Variants in PLOD2 observed in about 807,000 individuals in gnomAD.
PLOD2 encodes procollagen-lysine,2-oxoglutarate 5-dioxygenase 2, also known as lysine hydroxylase 2.
PLOD2 carries 65 observed loss-of-function variants against 101.0 expected under a neutral mutation model. The ratio of observed to expected loss-of-function variants is 0.64; its 90% CI spans 0.53 to 0.79. PLOD2 has a LOEUF of 0.79. Ranked by LOEUF, PLOD2 falls within the 30% of genes least tolerant of loss-of-function variation. The pLI is 0.00. For synonymous variants in PLOD2, 314 were observed against 302.9 expected, an observed-to-expected ratio of 1.04 and a Z score of -0.38; for missense variants, 909 against 914.6, an observed-to-expected ratio of 0.99 and a Z score of 0.08.
chr3:146,105,081 C>T (rs1322102445), intron 5 of PLOD2: 1 of 152,192 alleles, frequency 6.6e-6, no homozygotes, highest in Non-Finnish European at 1.5e-5. Flanking sequence ...AATGGTGGAG[C>T]AACAAAAGAG....
intron 9 of PLOD2, among the ~76,000 whole-genome samples, chr3:146,087,876 C>A (rs1447091054): frequency 6.6e-6 from 1 of 151,710 alleles, no homozygotes; most frequent in African/African-American, 2.4e-5. Context: ...TTAAAATATT[C>A]TCTGGACAAT....
chr3:146,146,999 C>T (rs555502746), intron 1 of PLOD2, among the ~76,000 whole-genome samples: 2 of 152,244 alleles, frequency 1.3e-5, no homozygotes, highest in Admixed American at 1.3e-4. Flanking sequence ...GGCCTATAGG[C>T]AGAGAAGCTT....
At chr3:146,126,535 G>A (rs1231314086) in intron 1 of PLOD2, among the ~76,000 whole-genome samples, 2 of 152,036 alleles carry the variant, frequency 1.3e-5, no homozygotes, top group Admixed American at 1.3e-4. Context: ...ACAAAGATAT[G>A]GTGACAGGAA....
chr3:146,101,266 A>T (rs1375310206), intron 7 of PLOD2, among the ~76,000 whole-genome samples: 1 of 152,232 alleles, frequency 6.6e-6, no homozygotes, highest in African/African-American at 2.4e-5. Context: ...AACAATGTAT[A>T]TGGAAAAGAA....
intron 1 of PLOD2, among the ~76,000 whole-genome samples, chr3:146,145,619 T>G (rs1312274877): frequency 6.6e-6 from 1 of 152,122 alleles, no homozygotes; most frequent in African/African-American, 2.4e-5. Flanking sequence ...AACCAAACTT[T>G]CAAATAAAAA....
At chr3:146,083,229 G>A (rs1264963185) in intron 11 of PLOD2, among the ~76,000 whole-genome samples, 3 of 152,144 alleles carry the variant, frequency 2.0e-5, no homozygotes, top group African/African-American at 7.2e-5. Context: ...GATGGCAGCT[G>A]AGGAATGATT....
chr3:146,136,615 T>C (rs2031246179), intron 1 of PLOD2, among the ~76,000 whole-genome samples: 1 of 152,158 alleles, frequency 6.6e-6, no homozygotes, highest in African/African-American at 2.4e-5. Context: ...ACTGGTCCCA[T>C]AATATTACAA....
At chr3:146,120,827 A>G (rs909758786) in intron 3 of PLOD2, among the ~76,000 whole-genome samples, 4 of 152,056 alleles carry the variant, frequency 2.6e-5, no homozygotes, top group Non-Finnish European at 5.9e-5. Context: ...GGTTCAAGCA[A>G]TTCTCTGCCT....
intron 4 of PLOD2, 103 bp from the exon 5 acceptor site, chr3:146,106,747 A>G (rs1937541411): frequency 1.3e-6 from 1 of 755,760 alleles, no homozygotes; most frequent in Admixed American, 1.8e-5. Context: ...GAAGTCATGA[A>G]GCCTAATTCT....
At chr3:146,126,104 G>A (rs960711575) in intron 1 of PLOD2, among the ~76,000 whole-genome samples, 1 of 152,144 alleles carries the variant, frequency 6.6e-6, no homozygotes, top group South Asian at 2.1e-4. Context: ...AGACAAAAAT[G>A]TTACCAAATC....
chr3:146,081,083 G>T (rs547299829), intron 12 of PLOD2, among the ~76,000 whole-genome samples: 24 of 151,970 alleles, frequency 1.6e-4, no homozygotes, highest in Non-Finnish European at 2.9e-4. Flanking sequence ...TCCATCATAT[G>T]TATGAAAAAA....
intron 7 of PLOD2, among the ~76,000 whole-genome samples, chr3:146,101,964 C>T (rs754769217): frequency 6.6e-6 from 1 of 152,158 alleles, no homozygotes; most frequent in Admixed American, 6.5e-5. Flanking sequence ...TGCCAGCATG[C>T]GTTTTCCTTG....
intron 3 of PLOD2, among the ~76,000 whole-genome samples, chr3:146,120,619 G>T (rs1342898380): frequency 1.3e-5 from 2 of 152,178 alleles, no homozygotes; most frequent in African/African-American, 4.8e-5. Flanking sequence ...ATTGACAAAT[G>T]GGATCTAATT....
intron 4 of PLOD2, among the ~76,000 whole-genome samples, chr3:146,108,116 A>G (rs1159770503): frequency 6.6e-6 from 1 of 151,116 alleles, no homozygotes; most frequent in African/African-American, 2.4e-5. Flanking sequence ...TCAATAAATG[A>G]AAAAAAAACA....
chr3:146,138,338 C>A (rs200582681), intron 1 of PLOD2, among the ~76,000 whole-genome samples: 4 of 145,282 alleles, frequency 2.8e-5, no homozygotes, highest in Non-Finnish European at 1.5e-5. Flanking sequence ...TACAGGGAAC[C>A]AAAAAAAAAA....
rs1024577567 is a variant in PLOD2, at chr3:146,091,745, T to C, written c.879+55A>G. ...CCTTTTTTCCTATAAATCACAGTAT[T>C]TCATGACAATGTACTTTCTATTACT... On this transcript the variant is annotated intron_variant, in intron 8 of 19. Transcript: ENST00000282903. The C allele has an allele frequency of 2.0e-5, 20 of 997,278 alleles. No homozygotes were observed. In the African/African-American group the frequency reaches 2.9e-4, roughly 14 times the overall value. The allele number at this position is 997,278 out of a possible 1,614,324, so 61.8% of individuals were successfully genotyped here. A position where few individuals can be genotyped will look rare whatever the true frequency, so the allele number is the denominator to read the frequency against.
chr3:146,143,656 T>C (rs74837532), intron 1 of PLOD2, among the ~76,000 whole-genome samples: 2,757 of 152,200 alleles, frequency 0.018, 88 homozygotes, highest in African/African-American at 0.063. Flanking sequence ...CCACAATGTA[T>C]ATAGTTTAGC....
chr3:146,096,161 T>C (rs1039036469), intron 7 of PLOD2, among the ~76,000 whole-genome samples: 5 of 148,420 alleles, frequency 3.4e-5, no homozygotes, highest in African/African-American at 1.2e-4. Flanking sequence ...GGTGCCGGGA[T>C]TGCAGATGGA....
At chr3:146,145,037 C>T (rs547137073) in intron 1 of PLOD2, among the ~76,000 whole-genome samples, 1 of 152,230 alleles carries the variant, frequency 6.6e-6, no homozygotes, top group African/African-American at 2.4e-5. Flanking sequence ...TATCCTAGTT[C>T]TTACTGATTT....
Sources: gnomAD v4.1 joint callset for allele counts (sites outside exome capture counted in the v4.1 genomes callset) on GRCh38, gnomAD v4.1.1 for gene constraint, MANE v1.5 for transcripts, NCBI Gene and HGNC (gene_info 2026-07-23, HGNC 2026-07-21) for gene names.